The following EYS variants were observed in gnomAD, a reference collection of about 807,000 sequenced individuals.
EYS encodes protein eyes shut homolog.
In EYS, 250 loss-of-function variants were observed where a neutral mutation model predicts 282.1. The observed-to-expected ratio is 0.89, with a 90% CI of 0.80 to 0.98. The LOEUF (loss-of-function observed/expected upper bound fraction) is 0.98, where lower values mean the gene tolerates loss of function less well. Among genes scored for constraint, EYS ranks in the 50% least tolerant of loss-of-function variants. The probability of loss-of-function intolerance (pLI) is 0.00; values close to 1 mark genes in which losing one functional copy is unlikely to be tolerated. For synonymous variants in EYS, 1,355 were observed against 1,282.9 expected, an observed-to-expected ratio of 1.06 and a Z score of -1.20; for missense variants, 4,016 against 3,709.0, an observed-to-expected ratio of 1.08 and a Z score of -2.15.
chr6:64,653,688 C>T (rs1768644677), intron 22 of EYS, among the ~76,000 whole-genome samples: 1 of 151,128 alleles, frequency 6.6e-6, no homozygotes. Context: ...CTTCAGCCTC[C>T]TGAGTAGCTG....
chr6:65,053,429 G>T (rs1303479021), intron 13 of EYS, among the ~76,000 whole-genome samples: 1 of 147,462 alleles, frequency 6.8e-6, no homozygotes, highest in South Asian at 2.2e-4. Flanking sequence ...AAATGAAACA[G>T]TTATGAATCT....
Position 65,461,773 on chromosome 6 carries a change from T to C in EYS, c.862+28821A>G, listed in dbSNP as rs576655332. Among the ~76,000 whole-genome samples, 327 of 152,120 alleles carry C rather than the reference T, an allele frequency of 2.1e-3. 2 individuals are homozygous for C. Among genetic ancestry groups the C allele is most frequent in the Non-Finnish European group, 3.0e-3 (207 of 67,982 alleles). On this transcript the variant is annotated intron_variant, in intron 5 of 42. Coordinates refer to ENST00000503581, the MANE Select transcript of EYS (RefSeq NM_001142800.2). ...ACAATTATTAGAATAACTAAAACAA[T>C]AGAACAGTAAAACAACCATTATTAA...
At chr6:65,554,545 T>G (rs6935790) in intron 2 of EYS, among the ~76,000 whole-genome samples, 83,356 of 151,840 alleles carry the variant, frequency 0.55, 22,909 homozygotes, top group East Asian at 0.71. Flanking sequence ...ACTTTGTCAT[T>G]GTATGCCATA....
chr6:64,675,757 C>A (rs1382892227), intron 22 of EYS, among the ~76,000 whole-genome samples: 1 of 151,824 alleles, frequency 6.6e-6, no homozygotes, highest in Non-Finnish European at 1.5e-5. Context: ...AGGGTACCAT[C>A]ACATATGGAA....
intron 33 of EYS, among the ~76,000 whole-genome samples, chr6:64,034,998 A>G (rs1770041297): frequency 6.6e-6 from 1 of 152,208 alleles, no homozygotes; most frequent in Non-Finnish European, 1.5e-5. Context: ...AACAGAGAAT[A>G]GCTAGACGTC....
intron 2 of EYS, among the ~76,000 whole-genome samples, chr6:65,568,717 G>T (rs1378540855): frequency 6.6e-6 from 1 of 152,146 alleles, no homozygotes; most frequent in African/African-American, 2.4e-5. Context: ...CTCAGGAGAA[G>T]CAGTTGAGAA....
At chr6:64,122,773 G>A (rs186456806) in intron 31 of EYS, among the ~76,000 whole-genome samples, 73 of 150,016 alleles carry the variant, frequency 4.9e-4, no homozygotes, top group East Asian at 2.9e-3. Flanking sequence ...TTAATTCTTC[G>A]TAGACTATGC....
At chr6:65,492,589 G>T (rs1009243893) in intron 4 of EYS, among the ~76,000 whole-genome samples, 18 of 152,128 alleles carry the variant, frequency 1.2e-4, no homozygotes, top group Non-Finnish European at 2.6e-4. Context: ...TTTAAAGACT[G>T]TCTATTAAAT....
At chr6:64,685,833 A>C (rs766066856) in intron 22 of EYS, among the ~76,000 whole-genome samples, 3 of 152,202 alleles carry the variant, frequency 2.0e-5, no homozygotes, top group Non-Finnish European at 4.4e-5. Context: ...TCAGAATTGA[A>C]TCAAAATACC....
At chr6:64,472,135 T>C (rs985286110) in intron 26 of EYS, among the ~76,000 whole-genome samples, 1 of 152,128 alleles carries the variant, frequency 6.6e-6, no homozygotes, top group African/African-American at 2.4e-5. Context: ...TAAAAGGAAA[T>C]GGAAAGACCA....
intron 22 of EYS, among the ~76,000 whole-genome samples, chr6:64,748,931 C>A (rs1336639187): frequency 6.6e-6 from 1 of 152,108 alleles, no homozygotes; most frequent in Non-Finnish European, 1.5e-5. Flanking sequence ...TACCACAATG[C>A]CCAGCTAATT....
chr6:65,045,028 C>T (rs1043123927), intron 13 of EYS, among the ~76,000 whole-genome samples: 12 of 151,796 alleles, frequency 7.9e-5, no homozygotes, highest in African/African-American at 2.7e-4. Flanking sequence ...CAAAGCTTGA[C>T]TCCTCTTTAA....
At chr6:65,213,651 A>G (rs915974692) in intron 12 of EYS, among the ~76,000 whole-genome samples, 36 of 152,282 alleles carry the variant, frequency 2.4e-4, no homozygotes, top group African/African-American at 8.4e-4. Context: ...CAGATAACTT[A>G]ATTGCTAAAT....
chr6:65,575,731 A>G (rs1680882949), intron 2 of EYS, among the ~76,000 whole-genome samples: 1 of 152,032 alleles, frequency 6.6e-6, no homozygotes, highest in South Asian at 2.1e-4. Flanking sequence ...AAAGACTCAA[A>G]TATATGAAAC....
intron 31 of EYS, among the ~76,000 whole-genome samples, chr6:64,113,675 A>G (rs1773282784): frequency 6.6e-6 from 1 of 152,138 alleles, no homozygotes; most frequent in Non-Finnish European, 1.5e-5. Flanking sequence ...CTTTTTCTGA[A>G]TGGAGTTAGT....
intron 22 of EYS, among the ~76,000 whole-genome samples, chr6:64,636,575 C>A (rs9452258): frequency 0.022 from 3,280 of 152,078 alleles, 108 homozygotes; most frequent in East Asian, 0.15. Context: ...GCAACAAAAG[C>A]CAAAATTGAC....
intron 2 of EYS, among the ~76,000 whole-genome samples, chr6:65,638,932 T>C (rs1350953692): frequency 6.6e-6 from 1 of 152,194 alleles, no homozygotes; most frequent in Admixed American, 6.5e-5. Context: ...GACAGCAGTG[T>C]TGCCAAGATT....
chr6:64,855,666 A>G (rs921765363), intron 19 of EYS, among the ~76,000 whole-genome samples: 3 of 152,132 alleles, frequency 2.0e-5, no homozygotes, highest in African/African-American at 7.2e-5. Flanking sequence ...GGTTCTCTCT[A>G]TGGGTTGTAT....
At chr6:64,964,421 C>T (rs1356689443) in intron 14 of EYS, among the ~76,000 whole-genome samples, 3 of 151,912 alleles carry the variant, frequency 2.0e-5, no homozygotes, top group Non-Finnish European at 4.4e-5. Flanking sequence ...GACTTTTTAG[C>T]TTTATGTTAT....
Sources: gnomAD v4.1 joint callset for allele counts (sites outside exome capture counted in the v4.1 genomes callset) on GRCh38, gnomAD v4.1.1 for gene constraint, MANE v1.5 for transcripts, NCBI Gene and HGNC (gene_info 2026-07-23, HGNC 2026-07-21) for gene names.